Variants in KANK1 observed in about 807,000 individuals in gnomAD.
KANK1 encodes the protein KN motif and ankyrin repeat domains 1, also known as KN motif and ankyrin repeat domain-containing protein 1.
Under a neutral mutation model 106.2 loss-of-function variants are expected in KANK1, and 109 were observed. The observed-to-expected ratio is 1.03, with a 90% confidence interval of 0.88 to 1.20. The LOEUF (loss-of-function observed/expected upper bound fraction) is 1.20, where lower values mean the gene tolerates loss of function less well. Ranked by LOEUF, KANK1 falls within the 50% of genes most tolerant of loss-of-function variation. The pLI is 0.00. For missense variants in KANK1, 2,399 were observed against 1,710.7 expected, an observed-to-expected ratio of 1.40 and a Z score of -7.10; for synonymous variants, 873 against 652.2, an observed-to-expected ratio of 1.34 and a Z score of -5.16.
intron 1 of KANK1, among the ~76,000 whole-genome samples, chr9:668,356 C>CTCTG (rs142604932): frequency 7.7e-4 from 117 of 151,964 alleles, no homozygotes; most frequent in South Asian, 7.1e-3. Context: ...TAATCTCTCT[C>CTCTG]TCTCTTTGTA....
chr9:640,918 G>A (rs899752760), intron 1 of KANK1, among the ~76,000 whole-genome samples: 2 of 151,266 alleles, frequency 1.3e-5, no homozygotes, highest in African/African-American at 2.4e-5. Flanking sequence ...GGATGGTCTC[G>A]ATCTCCTGAC....
chr9:636,451 T>C (rs1446139467), intron 1 of KANK1, among the ~76,000 whole-genome samples: 1 of 152,190 alleles, frequency 6.6e-6, no homozygotes, highest in Non-Finnish European at 1.5e-5. Flanking sequence ...TCATTTCTCT[T>C]CTGTTCCACA....
At chr9:540,580 A>G (rs1016517357) in intron 1 of KANK1, 2 of 152,214 alleles carry the variant, frequency 1.3e-5, no homozygotes, top group Admixed American at 1.3e-4. Context: ...AAAGAGTTTA[A>G]GAAGGGTTGG....
chr9:639,054 T>TA (rs1458321636), intron 1 of KANK1, among the ~76,000 whole-genome samples: 3 of 152,178 alleles, frequency 2.0e-5, no homozygotes, highest in Non-Finnish European at 1.5e-5. Context: ...GTGTAAGTCT[T>TA]ACCTTCCTAC....
At chr9:472,326 T>C (rs1458856910) in intron 2 of KANK1, among the ~76,000 whole-genome samples, 1 of 152,214 alleles carries the variant, frequency 6.6e-6, no homozygotes, top group African/African-American at 2.4e-5. Flanking sequence ...TCCACTTTCC[T>C]AAGATGGGGT....
intron 3 of KANK1, among the ~76,000 whole-genome samples, chr9:488,706 G>A (rs2058332604): frequency 6.6e-6 from 1 of 152,188 alleles, no homozygotes; most frequent in Non-Finnish European, 1.5e-5. Flanking sequence ...TGTCAATAAT[G>A]ACTGTCACTT....
At chr9:671,425 C>A (rs112308503) in intron 1 of KANK1, among the ~76,000 whole-genome samples, 16 of 151,608 alleles carry the variant, frequency 1.1e-4, no homozygotes, top group African/African-American at 3.9e-4. Flanking sequence ...GCATGCAGAT[C>A]ACAAGGTCAG....
intron 4 of KANK1, 28 bp from the exon 5 acceptor site, chr9:731,130 C>T: frequency 1.5e-6 from 2 of 1,359,554 alleles, no homozygotes; most frequent in Non-Finnish European, 2.1e-6. Context: ...TGTGAGTTTT[C>T]ATTTTTATTG....
At chr9:676,588 G>C (rs1343909386) in intron 1 of KANK1, among the ~76,000 whole-genome samples, 1 of 152,178 alleles carries the variant, frequency 6.6e-6, no homozygotes, top group African/African-American at 2.4e-5. Flanking sequence ...CTACACATTA[G>C]GAAGTCATTT....
At chr9:534,656 C>T (rs948661949) in intron 1 of KANK1, among the ~76,000 whole-genome samples, 12 of 152,160 alleles carry the variant, frequency 7.9e-5, no homozygotes, top group African/African-American at 2.7e-4. Context: ...ATTGTTCATC[C>T]TGGGGAATGA....
intron 8 of KANK1, among the ~76,000 whole-genome samples, chr9:740,343 T>A (rs1321718318): frequency 1.3e-5 from 2 of 152,134 alleles, no homozygotes; most frequent in Non-Finnish European, 2.9e-5. Flanking sequence ...GAATGAGTAA[T>A]GTTTGGATAA....
intron 1 of KANK1, among the ~76,000 whole-genome samples, chr9:598,253 T>C (rs918165817): frequency 3.3e-5 from 5 of 151,838 alleles, no homozygotes; most frequent in Admixed American, 2.6e-4. Context: ...ACACCGTTTT[T>C]GATTACTGTA....
intron 1 of KANK1, among the ~76,000 whole-genome samples, chr9:598,834 G>GT (rs1274683052): frequency 6.7e-6 from 1 of 149,008 alleles, no homozygotes. Context: ...GTCTTGACGT[G>GT]TTGGCCAGAC....
chr9:552,730 T>G (rs952890977), intron 1 of KANK1, among the ~76,000 whole-genome samples: 3 of 152,226 alleles, frequency 2.0e-5, no homozygotes, highest in African/African-American at 7.2e-5. Context: ...TTTAGGGATC[T>G]TTAAAGAAAA....
chr9:596,769 C>T (rs987631805), intron 1 of KANK1, among the ~76,000 whole-genome samples: 3 of 151,586 alleles, frequency 2.0e-5, no homozygotes, highest in Non-Finnish European at 4.4e-5. Context: ...TAACAATAGG[C>T]AGTTTAATAA....
In KANK1 at chr9:698,486, C is replaced by T. The variant is rs546733844; in HGVS notation, c.38-12318C>T. ...TCCATTGGTTTAAAGAAAAAATTTT[C>T]TTTTTTAATAGCAGAATGAGGTAAC... On this transcript the variant is annotated intron_variant, in intron 2 of 11. Coordinates refer to ENST00000382297, the MANE Select transcript of KANK1 (RefSeq NM_015158.5). Among the ~76,000 whole-genome samples the T allele has an allele frequency of 2.0e-5, 3 of 152,146 alleles. No individual in the cohort carries two copies. In the South Asian group the frequency reaches 6.2e-4, roughly 32 times the overall value.
At chr9:534,540 A>G (rs2060208899) in intron 1 of KANK1, among the ~76,000 whole-genome samples, 1 of 152,240 alleles carries the variant, frequency 6.6e-6, no homozygotes, top group Admixed American at 6.5e-5. Context: ...ATACCAGCAG[A>G]GAATTATTTA....
chr9:692,190 G>C (rs1364973710), intron 2 of KANK1, among the ~76,000 whole-genome samples: 1 of 152,154 alleles, frequency 6.6e-6, no homozygotes, highest in African/African-American at 2.4e-5. Context: ...CACATGCCCT[G>C]CCTTATTCCA....
chr9:620,421 C>T (rs899662472), intron 1 of KANK1, among the ~76,000 whole-genome samples: 6 of 151,532 alleles, frequency 4.0e-5, no homozygotes, highest in East Asian at 1.9e-4. Flanking sequence ...TTTTTTGGAA[C>T]GGAGTCTCGC....
Sources: allele counts gnomAD v4.1 joint callset (sites outside exome capture counted in the v4.1 genomes callset), GRCh38; gene constraint gnomAD v4.1.1; transcripts MANE v1.5; gene names NCBI Gene and HGNC (gene_info 2026-07-23, HGNC 2026-07-21).